Variants in ATP6V1A observed in about 807,000 individuals in gnomAD.
ATP6V1A encodes the protein ATPase H+ transporting V1 subunit A.
A neutral mutation model predicts 70.1 loss-of-function variants in ATP6V1A; 18 were observed. That is an observed-to-expected ratio of 0.26 (90% CI 0.18 to 0.38). ATP6V1A has a LOEUF of 0.38. Among genes scored for constraint, ATP6V1A ranks in the 10% least tolerant of loss-of-function variants. The pLI is 1.00. For synonymous variants in ATP6V1A, 232 were observed against 253.8 expected, an observed-to-expected ratio of 0.91 and a Z score of 0.82; for missense variants, 424 against 772.4, an observed-to-expected ratio of 0.55 and a Z score of 5.35.
intron 1 of ATP6V1A, among the ~76,000 whole-genome samples, chr3:113,752,955 T>C (rs968524392): frequency 1.3e-5 from 2 of 151,984 alleles, no homozygotes; most frequent in African/African-American, 4.8e-5. Context: ...TAAACCAAGA[T>C]AGGAAACCTA....
In ATP6V1A at chr3:113,751,599, T is replaced by C. The variant is rs567057129; in HGVS notation, c.-14+4486T>C. Among the ~76,000 whole-genome samples the C allele has an allele frequency of 1.0e-3, 158 of 151,890 alleles. 1 individual carries two copies. Among genetic ancestry groups the C allele is most frequent in the African/African-American group, 3.6e-3 (148 of 41,544 alleles). ...ATAATTTCTGAAGAGAATATTAGTT[T>C]TGCTATTCTCTTTTTTCCCTATGGT... On this transcript the variant is annotated intron_variant, in intron 1 of 14. Coordinates refer to ENST00000273398, the MANE Select transcript of ATP6V1A (RefSeq NM_001690.4).
chr3:113,781,175 A>T lies in ATP6V1A; in HGVS notation c.208A>T (p.Thr70Ser). 1 of 1,604,080 alleles carries T rather than the reference A, an allele frequency of 6.2e-7. No individual in the cohort carries two copies. Among genetic ancestry groups the T allele is most frequent in the Non-Finnish European group, 8.5e-7 (1 of 1,176,656 alleles). Residue 70 changes from threonine (T) to serine (S), a missense_variant, in exon 3 of 15, where the codon ACT becomes TCT. This residue lies in a region of ATP6V1A where 31 missense variants were observed against 78.6 expected (regional missense o/e 0.39). Coordinates refer to ENST00000273398, the MANE Select transcript of ATP6V1A (RefSeq NM_001690.4). ...DMATIQVYEE[T>S]SGVSVGDPVL... ...GGCTACTATTCAGGTGTATGAAGAA[A>T]CTTGTATCCTTTTTGGCTCAATTTC...
chr3:113,781,188 T>A lies in ATP6V1A; in HGVS notation c.211+10T>A, dbSNP rs1436915922. 1 of 1,598,416 alleles carries A rather than the reference T, an allele frequency of 6.3e-7. No individual in the cohort carries two copies. The highest frequency in any genetic ancestry group is 1.8e-5 in the Admixed American group (1 of 56,512). On this transcript the variant is annotated intron_variant, in intron 3 of 14. Coordinates refer to ENST00000273398, the MANE Select transcript of ATP6V1A (RefSeq NM_001690.4). Reference sequence around the variant, plus strand: ...GTGTATGAAGAAACTTGTATCCTTTTTGGCTCAATTTCCTGCCACTTTCTA... The same window carrying A: ...GTGTATGAAGAAACTTGTATCCTTTATGGCTCAATTTCCTGCCACTTTCTA...
intron 1 of ATP6V1A, among the ~76,000 whole-genome samples, chr3:113,759,459 A>G (rs1364477778): frequency 6.6e-6 from 1 of 151,934 alleles, no homozygotes; most frequent in East Asian, 1.9e-4. Context: ...ATTTTAAATA[A>G]TAATACTAGG....
intron 1 of ATP6V1A, among the ~76,000 whole-genome samples, chr3:113,770,029 TTTTA>T (rs143157842): frequency 0.62 from 90,855 of 147,446 alleles, 28,165 homozygotes; most frequent in South Asian, 0.74. Context: ...GTATTCCTGC[TTTTA>T]TTTATTTATT....
chr3:113,753,000 G>A (rs532041210), intron 1 of ATP6V1A, among the ~76,000 whole-genome samples: 2 of 152,196 alleles, frequency 1.3e-5, no homozygotes, highest in East Asian at 3.9e-4. Flanking sequence ...ACATGAGACT[G>A]CATGGAAACG....
chr3:113,784,650 C>CG, intron 4 of ATP6V1A, 46 bp from the exon 5 acceptor site: 1 of 1,602,556 alleles, frequency 6.2e-7, no homozygotes, highest in Non-Finnish European at 8.5e-7. Context: ...GGCAAGTCTA[C>CG]TTGACATTTA....
At chr3:113,749,310 T>C (rs1231808727) in intron 1 of ATP6V1A, among the ~76,000 whole-genome samples, 2 of 145,916 alleles carry the variant, frequency 1.4e-5, no homozygotes, top group African/African-American at 5.3e-5. Flanking sequence ...CACACACGAT[T>C]GGAAGCCTGG....
rs1285825378 is a variant in ATP6V1A at position 113,803,680 on chromosome 3, A to G, written c.1589+3A>G. Reference sequence around the variant, plus strand: ...AATGGATATACTCCTTATGACAGGTAAGCTATATTGATTTCCTTTTTTTAT... The same window carrying G: ...AATGGATATACTCCTTATGACAGGTGAGCTATATTGATTTCCTTTTTTTAT... On this transcript the variant is annotated splice_donor_region_variant and intron_variant, in intron 13 of 14. Coordinates refer to ENST00000273398, the MANE Select transcript of ATP6V1A (RefSeq NM_001690.4). The G allele has an allele frequency of 6.3e-7, 1 of 1,586,234 alleles. No homozygotes were observed. The highest frequency in any genetic ancestry group is 1.7e-5 in the Admixed American group (1 of 58,182).
intron 5 of ATP6V1A, among the ~76,000 whole-genome samples, chr3:113,785,811 G>A (rs1020576311): frequency 6.7e-6 from 1 of 150,200 alleles, no homozygotes; most frequent in African/African-American, 2.4e-5. Flanking sequence ...TGGGATTACA[G>A]GCCTTTACTT....
Position 113,783,599 on chromosome 3 carries a change from G to A in ATP6V1A, c.212-625G>A, listed in dbSNP as rs77103482. ...TTCCCAAACTTTGCAGAGTCATTCT[G>A]AGAAGCTGCAGCAAACTCATGTGGT... On this transcript the variant is annotated intron_variant, in intron 3 of 14. Transcript: ENST00000273398. Among the ~76,000 whole-genome samples, 1,329 of 152,286 alleles carry A rather than the reference G, an allele frequency of 8.7e-3. 14 individuals carry two copies. Among genetic ancestry groups the A allele is most frequent in the African/African-American group, 0.029 (1,186 of 41,562 alleles).
chr3:113,750,490 C>A (rs1158937906), intron 1 of ATP6V1A, among the ~76,000 whole-genome samples: 1 of 151,622 alleles, frequency 6.6e-6, no homozygotes, highest in Non-Finnish European at 1.5e-5. Context: ...TCAAAAAAAA[C>A]AAAAACAAAA....
chr3:113,790,964 C>G (rs193057654), intron 8 of ATP6V1A, among the ~76,000 whole-genome samples: 153 of 152,134 alleles, frequency 1.0e-3, no homozygotes, highest in African/African-American at 3.6e-3. Context: ...TGATTTTTCT[C>G]TTTTCCCAAA....
At chr3:113,799,043 T>C (rs1281364958) in intron 12 of ATP6V1A, among the ~76,000 whole-genome samples, 1 of 152,188 alleles carries the variant, frequency 6.6e-6, no homozygotes, top group Admixed American at 6.5e-5. Context: ...TACTACTTAC[T>C]ATTTATAGAA....
In ATP6V1A at chr3:113,798,479, G is replaced by C. The variant is rs1378988872; in HGVS notation, c.1494+33G>C. ...GTTAAATTCCATGGAAGATAGATCT[G>C]TGGGTTACACTGGGGTGTTTCAAGG... On this transcript the variant is annotated intron_variant, in intron 12 of 14. Transcript: ENST00000273398. 12 of 1,608,834 alleles carry C rather than the reference G, an allele frequency of 7.5e-6. No individual in the cohort carries two copies. In the South Asian group the frequency reaches 1.2e-4, roughly 16 times the overall value.
chr3:113,788,198 C>T (rs920268300), intron 6 of ATP6V1A, among the ~76,000 whole-genome samples: 7 of 152,178 alleles, frequency 4.6e-5, no homozygotes, highest in African/African-American at 1.7e-4. Context: ...CAGGCATAAG[C>T]GTCTGTGCCT....
At position 113,768,210 on chromosome 3, in the gene ATP6V1A, C is replaced by T. The variant is rs141735270; in HGVS notation, c.-13-10531C>T. On this transcript the variant is annotated intron_variant, in intron 1 of 14. Coordinates refer to ENST00000273398, the MANE Select transcript of ATP6V1A (RefSeq NM_001690.4). ...TGTTAGTCCAGTTTGCCATCTGTGA[C>T]TTTGCTGTTCTCTGCTCTTTGATTC... 1.9e-3 allele frequency among the ~76,000 whole-genome samples: 295 copies of T among 152,266 alleles called. 1 individual carries two copies. Among genetic ancestry groups the T allele is most frequent in the Non-Finnish European group, 3.5e-3 (235 of 68,018 alleles).
chr3:113,756,685 T>C (rs1042496217), intron 1 of ATP6V1A, among the ~76,000 whole-genome samples: 1 of 152,238 alleles, frequency 6.6e-6, no homozygotes, highest in African/African-American at 2.4e-5. Flanking sequence ...AAATACTCCT[T>C]AATGTGATTT....
intron 1 of ATP6V1A, among the ~76,000 whole-genome samples, chr3:113,771,908 C>T (rs1051406814): frequency 3.3e-5 from 5 of 152,060 alleles, no homozygotes; most frequent in African/African-American, 4.8e-5. Context: ...TCCTTGCTTA[C>T]GGTAGAGTGC....
Sources: gnomAD v4.1 joint callset for allele counts (sites outside exome capture counted in the v4.1 genomes callset) on GRCh38, gnomAD v4.1.1 for gene constraint, gnomAD v4.1.1 regional missense constraint, MANE v1.5 for transcripts, NCBI Gene and HGNC (gene_info 2026-07-23, HGNC 2026-07-21) for gene names.